Variants in FAM186A observed in about 807,000 individuals in gnomAD.
FAM186A encodes the protein protein FAM186A.
FAM186A carries 163 observed loss-of-function variants against 216.8 expected under a neutral mutation model. That is an observed-to-expected ratio of 0.75 (90% CI 0.66 to 0.86). The LOEUF is 0.86. Among genes scored for constraint, FAM186A ranks in the 40% least tolerant of loss-of-function variants. The pLI is 0.00. For missense variants in FAM186A, 2,184 were observed against 2,746.2 expected, an observed-to-expected ratio of 0.80 and a Z score of 4.58; for synonymous variants, 805 against 1,025.3, an observed-to-expected ratio of 0.79 and a Z score of 4.10.
chr12:50,345,561 C>T lies in FAM186A; in HGVS notation c.6503+4768G>A, dbSNP rs565326344. 3.3e-5 allele frequency among the ~76,000 whole-genome samples: 5 copies of T among 152,276 alleles called. No individual in the cohort carries two copies. The East Asian group carries it at 9.6e-4, about 29-fold the overall frequency. On this transcript the variant is annotated intron_variant, in intron 4 of 7. Coordinates refer to ENST00000327337, the MANE Select transcript of FAM186A (RefSeq NM_001145475.3). ...GTAGGGATGCAATTTCATTCTTCTGCATATGGCCAGCCAGCTGTCCCAGCA... is the reference window on the plus strand; with the variant it reads ...GTAGGGATGCAATTTCATTCTTCTGTATATGGCCAGCCAGCTGTCCCAGCA...
intron 4 of FAM186A, among the ~76,000 whole-genome samples, chr12:50,348,715 T>C (rs1023708831): frequency 6.6e-6 from 1 of 151,390 alleles, no homozygotes; most frequent in African/African-American, 2.4e-5. Context: ...CGTGCCACCA[T>C]GCCCGGCTAA....
chr12:50,382,424 G>GCA (rs1261472440), intron 1 of FAM186A, among the ~76,000 whole-genome samples: 3 of 151,934 alleles, frequency 2.0e-5, no homozygotes, highest in Admixed American at 6.6e-5. Flanking sequence ...ATATGACCAG[G>GCA]CACAATGGCT....
chr12:50,335,456 C>T (rs1393984414), intron 4 of FAM186A, among the ~76,000 whole-genome samples: 3 of 151,886 alleles, frequency 2.0e-5, no homozygotes, highest in Non-Finnish European at 4.4e-5. Flanking sequence ...GCAGCCTGGC[C>T]AACATGGTGA....
chr12:50,383,518 C>T lies in FAM186A; in HGVS notation c.192+12775G>A, dbSNP rs955140569. Among the ~76,000 whole-genome samples the T allele has an allele frequency of 4.5e-4, 68 of 151,968 alleles. 1 individual carries two copies. Among genetic ancestry groups the T allele is most frequent in the Non-Finnish European group, 1.5e-4 (10 of 68,000 alleles). On this transcript the variant is annotated intron_variant, in intron 1 of 7. Transcript: ENST00000327337. ...GGCTGAGGCAGAAGAATCACTAGAA[C>T]CCGGGAGGCAGAAGTTGCAGTGAGC...
chr12:50,356,224 G>C lies in FAM186A; in HGVS notation c.608C>G (p.Ser203Cys), dbSNP rs759214999. The change falls in exon 4 of 8, where the codon TCT becomes TGT. Residue 203 changes from serine (S) to cysteine (C), a missense_variant. This residue lies in a region of FAM186A where 1,132 missense variants were observed against 1,263.4 expected (regional missense o/e 0.90). Transcript: ENST00000327337. Reference sequence around the variant, plus strand: ...TCGTTTTATAACTCTTTCTTTCCAAGATTTCCATAGAGTACCTCTAGATAC... The same window carrying C: ...TCGTTTTATAACTCTTTCTTTCCAACATTTCCATAGAGTACCTCTAGATAC... ...KILSRGTLWK[S>C]WKERVIKRPS... The C allele has an allele frequency of 6.5e-7, 1 of 1,549,570 alleles. No homozygotes were observed. Among genetic ancestry groups the C allele is most frequent in the Non-Finnish European group, 8.7e-7 (1 of 1,146,512 alleles).
intron 1 of FAM186A, among the ~76,000 whole-genome samples, chr12:50,387,662 T>C (rs1332743777): frequency 6.6e-6 from 1 of 152,162 alleles, no homozygotes; most frequent in Non-Finnish European, 1.5e-5. Context: ...TTCACCCTAA[T>C]ATTACTATGC....
At chr12:50,378,945 T>A (rs1943227153) in intron 1 of FAM186A, among the ~76,000 whole-genome samples, 1 of 152,202 alleles carries the variant, frequency 6.6e-6, no homozygotes, top group African/African-American at 2.4e-5. Flanking sequence ...TGGAAATAAC[T>A]TAAATGTCCA....
intron 4 of FAM186A, among the ~76,000 whole-genome samples, chr12:50,341,803 C>T (rs969745211): frequency 6.6e-6 from 1 of 151,934 alleles, no homozygotes; most frequent in African/African-American, 2.4e-5. Flanking sequence ...CCCCTGCACT[C>T]CAGCTTGGGC....
chr12:50,353,838 T>G lies in FAM186A; in HGVS notation c.2994A>C (p.Leu998=). 1 of 1,551,762 alleles carries G rather than the reference T, an allele frequency of 6.4e-7. No homozygotes were observed. The highest frequency in any genetic ancestry group is 8.7e-7 in the Non-Finnish European group (1 of 1,146,976). Residue 998 remains leucine (L), a synonymous_variant, in exon 4 of 8, where the codon CTA becomes CTC. Transcript: ENST00000327337. ...TTGGAGTTTGGATGACCATTTTTTC[T>G]AGCTCTTTAGGTTGTGTTTCCTTCA... ...MQMKETQPKE[L]EKMVIQTPMT...
Position 50,396,316 on chromosome 12 carries a change from C to T in FAM186A, c.169G>A (p.Ala57Thr), listed in dbSNP as rs150701119. 840 of 1,550,102 alleles carry T rather than the reference C, an allele frequency of 5.4e-4. 3 individuals are homozygous for T. In the African/African-American group the frequency reaches 0.01, roughly 19 times the overall value. Residue 57 changes from alanine to threonine, a missense_variant, in exon 1 of 8, where the codon GCA becomes ACA. Physicochemically the swap from Ala to Thr is moderately conservative, Grantham distance 58 (BLOSUM62 0). Coordinates refer to ENST00000327337, the MANE Select transcript of FAM186A (RefSeq NM_001145475.3). ...ACCTCTCTGGCTCGATGGAGCTGTG[C>T]GCGCTCAATCCTAGAGATGATATCC... ...VKDIISRIER[A>T]QLHRAREDID...
intron 3 of FAM186A, among the ~76,000 whole-genome samples, chr12:50,359,717 T>C (rs553014627): frequency 1.3e-5 from 2 of 152,124 alleles, no homozygotes; most frequent in African/African-American, 4.8e-5. Context: ...TGAAAAGAAA[T>C]TACCAAAATG....
At chr12:50,330,958 A>G (rs1462096477) in intron 6 of FAM186A, among the ~76,000 whole-genome samples, 200 bp from the exon 7 acceptor site, 3 of 152,162 alleles carry the variant, frequency 2.0e-5, no homozygotes, top group Non-Finnish European at 2.9e-5. Context: ...CTGCATTTGC[A>G]TGGCTTCACC....
chr12:50,363,721 G>T (rs1387955559), intron 1 of FAM186A, among the ~76,000 whole-genome samples: 1 of 147,876 alleles, frequency 6.8e-6, no homozygotes, highest in East Asian at 2.0e-4. Context: ...GATGTGAAGT[G>T]TATAAAATTT....
At position 50,351,483 on chromosome 12, in the gene FAM186A, A is replaced by G; in HGVS notation, c.5349T>C (p.Leu1783=). 1 of 1,485,048 alleles carries G rather than the reference A, an allele frequency of 6.7e-7. No homozygotes were observed. The highest frequency in any genetic ancestry group is 1.4e-5 in the South Asian group (1 of 70,686). 92.0% of individuals were successfully genotyped at this position (1,485,048 alleles called of 1,614,324 possible). The change falls in exon 4 of 8, where the codon CTT becomes CTC. Residue 1783 remains leucine (L), a synonymous_variant. Transcript: ENST00000327337. Reference sequence around the variant, plus strand: ...GTGCCCCAAGCTTCCCAGGCTCAGAAAGAATCCCCATTTCTAGGGGCTTCC... The same window carrying G: ...GTGCCCCAAGCTTCCCAGGCTCAGAGAGAATCCCCATTTCTAGGGGCTTCC... The part of the protein sequence containing the change: ...APGKPLEMGI[L]SEPGKLGAPQ...
intron 4 of FAM186A, among the ~76,000 whole-genome samples, chr12:50,336,999 C>T (rs907947232): frequency 7.2e-5 from 11 of 151,782 alleles, no homozygotes; most frequent in Non-Finnish European, 1.3e-4. Flanking sequence ...TAATTCTTAG[C>T]TCTTAGGTTT....
chr12:50,374,180 C>T (rs949551892), intron 1 of FAM186A, among the ~76,000 whole-genome samples: 5 of 149,476 alleles, frequency 3.3e-5, no homozygotes, highest in African/African-American at 4.9e-5. Flanking sequence ...AGGGATAGCA[C>T]TGGGAGATAC....
chr12:50,392,948 G>A (rs1943374831), intron 1 of FAM186A, among the ~76,000 whole-genome samples: 4 of 138,342 alleles, frequency 2.9e-5, no homozygotes, highest in Admixed American at 7.5e-5. Context: ...TTTTTTTGAG[G>A]CGGAGTCTTG....
At position 50,354,026 on chromosome 12, in the gene FAM186A, C is replaced by T. The variant is rs1329033835; in HGVS notation, c.2806G>A (p.Gly936Arg). 2 of 1,551,690 alleles carry T rather than the reference C, an allele frequency of 1.3e-6. No homozygotes were observed. The highest frequency in any genetic ancestry group is 2.4e-5 in the South Asian group (2 of 84,052). ...EEGTQKMKTQ[G>R]LLLEKENGQM... Reference sequence around the variant, plus strand: ...CCATTCTCCTTTTCCAAGAGCAACCCTTGTGTTTTCATTTTTTGGGTCCCT... The same window carrying T: ...CCATTCTCCTTTTCCAAGAGCAACCTTTGTGTTTTCATTTTTTGGGTCCCT... Residue 936 changes from glycine (G) to arginine (R), a missense_variant, in exon 4 of 8, where the codon GGG (glycine) becomes AGG (arginine). Physicochemically the swap from Gly to Arg is moderately radical, Grantham distance 125. Transcript: ENST00000327337.
At chr12:50,338,488 A>G (rs1376016414) in intron 4 of FAM186A, among the ~76,000 whole-genome samples, 1 of 152,206 alleles carries the variant, frequency 6.6e-6, no homozygotes, top group East Asian at 1.9e-4. Flanking sequence ...GGCATGAGCT[A>G]CCATGCCTGG....
Sources: gnomAD v4.1 joint callset for allele counts (sites outside exome capture counted in the v4.1 genomes callset) on GRCh38, gnomAD v4.1.1 for gene constraint, gnomAD v4.1.1 regional missense constraint, MANE v1.5 for transcripts, NCBI Gene and HGNC (gene_info 2026-07-23, HGNC 2026-07-21) for gene names.